Variants in TMED2 observed in about 807,000 individuals in gnomAD.
TMED2 encodes transmembrane emp24 domain-containing protein 2.
Under a neutral mutation model 17.5 loss-of-function variants are expected in TMED2, and 3 were observed. The ratio of observed to expected loss-of-function variants is 0.17; its 90% confidence interval spans 0.08 to 0.44. The LOEUF (loss-of-function observed/expected upper bound fraction) is 0.44. Among genes scored for constraint, TMED2 ranks in the 20% least tolerant of loss-of-function variants. The probability of loss-of-function intolerance (pLI) is 0.99; values close to 1 mark genes in which losing one functional copy is unlikely to be tolerated. For synonymous variants in TMED2, 95 were observed against 91.0 expected (o/e 1.04, Z -0.25); for missense variants, 149 against 254.8 (o/e 0.58, Z 2.83).
Position 123,590,336 on chromosome 12 carries a change from C to G in TMED2, c.374-6C>G, listed in dbSNP as rs778257231. ...AAATGTGTTTTGTTTTCAAATCCTTCTATAGCTCACCAGAACAAGCTAGAA... is the reference window on the plus strand; with the variant it reads ...AAATGTGTTTTGTTTTCAAATCCTTGTATAGCTCACCAGAACAAGCTAGAA... On this transcript the variant is annotated splice_polypyrimidine_tract_variant and splice_region_variant and intron_variant, in intron 2 of 3. Coordinates refer to ENST00000262225, the MANE Select transcript of TMED2 (RefSeq NM_006815.4). The G allele has an allele frequency of 1.3e-6, 2 of 1,570,802 alleles. No homozygotes were observed. The highest frequency in any genetic ancestry group is 2.3e-5 in the South Asian group (2 of 88,430).
chr12:123,587,526 T>G, intron 2 of TMED2: 1 of 1,057,898 alleles, frequency 9.5e-7, no homozygotes, highest in Non-Finnish European at 1.2e-6. Flanking sequence ...GGCATATACT[T>G]TATTTGCTCA....
At chr12:123,590,174 T>C (rs2135661577) in intron 2 of TMED2, among the ~76,000 whole-genome samples, 168 bp from the exon 3 acceptor site, 1 of 151,820 alleles carries the variant, frequency 6.6e-6, no homozygotes. Context: ...TCCCAGCTAC[T>C]CTGGAGGCTG....
At chr12:123,586,978 G>A (rs1953352595) in intron 2 of TMED2, 39 bp downstream of exon 2, 1 of 1,518,078 alleles carries the variant, frequency 6.6e-7, no homozygotes, top group Non-Finnish European at 8.9e-7. Context: ...CACATTCCAA[G>A]AGCTAATTTT....
chr12:123,592,571 G>C (rs532805110), intron 3 of TMED2, among the ~76,000 whole-genome samples: 3 of 152,316 alleles, frequency 2.0e-5, no homozygotes, highest in South Asian at 2.1e-4. Context: ...TTCTAGAATT[G>C]AGTTTATAGG....
intron 3 of TMED2, among the ~76,000 whole-genome samples, chr12:123,594,204 G>A (rs1473786418): frequency 2.7e-5 from 4 of 150,090 alleles, no homozygotes; most frequent in African/African-American, 2.4e-5. Context: ...GTGCAAACTC[G>A]GCTCACTGCA....
At chr12:123,591,669 C>T (rs925834569) in intron 3 of TMED2, among the ~76,000 whole-genome samples, 8 of 152,150 alleles carry the variant, frequency 5.3e-5, no homozygotes, top group Admixed American at 1.3e-4. Flanking sequence ...GTAGTCCCAG[C>T]TACTCAGGAG....
chr12:123,585,815 C>T (rs1449487322), intron 1 of TMED2: 1 of 152,276 alleles, frequency 6.6e-6, no homozygotes, highest in African/African-American at 2.4e-5. Flanking sequence ...TGGGTCTTCT[C>T]ATTTCCAGGC....
chr12:123,596,826 C>G lies in TMED2; in HGVS notation c.*97C>G, dbSNP rs1953434302. 1 of 1,386,436 alleles carries G rather than the reference C, an allele frequency of 7.2e-7. No homozygotes were observed. The allele number at this position is 1,386,436 out of a possible 1,614,324, so 85.9% of individuals were successfully genotyped here. A position where few individuals can be genotyped will look rare whatever the true frequency, so the allele number is the denominator to read the frequency against. On this transcript the variant is annotated 3_prime_UTR_variant, in exon 4 of 4. Coordinates refer to ENST00000262225, the MANE Select transcript of TMED2 (RefSeq NM_006815.4). ...AGTTTCTCCATTTTTATTTTCTGAA[C>G]TGTACATTCACAACTTATGTTTCTT... is the stretch of plus-strand genomic sequence containing the variant.
At chr12:123,584,957 C>T (rs1346873969) in intron 1 of TMED2, 141 bp downstream of exon 1, 2 of 1,041,316 alleles carry the variant, frequency 1.9e-6, no homozygotes, top group African/African-American at 3.3e-5. Flanking sequence ...GGCCGCCACC[C>T]CCCGCCCCGC....
chr12:123,596,998 G>A lies in TMED2; in HGVS notation c.*269G>A, dbSNP rs1319788588. ...CTCAAACACTGTAAGTGAAATATGGGAGTATAGTTTTTATTATTTCTTCTT... is the reference window on the plus strand; with the variant it reads ...CTCAAACACTGTAAGTGAAATATGGAAGTATAGTTTTTATTATTTCTTCTT... On this transcript the variant is annotated 3_prime_UTR_variant, in exon 4 of 4. Coordinates refer to ENST00000262225, the MANE Select transcript of TMED2 (RefSeq NM_006815.4). The A allele has an allele frequency of 1.4e-5, 3 of 214,986 alleles. No individual in the cohort carries two copies. The highest frequency in any genetic ancestry group is 2.7e-5 in the Non-Finnish European group (3 of 109,588). 13.3% of individuals were successfully genotyped at this position (214,986 alleles called of 1,614,324 possible). A position where few individuals can be genotyped will look rare whatever the true frequency, so the allele number is the denominator to read the frequency against.
intron 3 of TMED2, among the ~76,000 whole-genome samples, chr12:123,592,441 CAT>C (rs1953398896): frequency 6.3e-4 from 2 of 3,166 alleles, no homozygotes; most frequent in Non-Finnish European, 0.028. Context: ...AGAGGAAGCA[CAT>C]GTCTTCCGTC....
chr12:123,588,376 G>C (rs1376492679), intron 2 of TMED2, among the ~76,000 whole-genome samples: 1 of 152,072 alleles, frequency 6.6e-6, no homozygotes, highest in African/African-American at 2.4e-5. Flanking sequence ...AATTTAGAGA[G>C]TCCTACTACT....
chr12:123,595,526 ATAAT>A lies in TMED2; in HGVS notation c.482-1077_482-1074del, dbSNP rs1369911095. 3.9e-5 allele frequency among the ~76,000 whole-genome samples: 6 copies of A among 152,206 alleles called. No homozygotes were observed. The East Asian group carries it at 1.2e-3, about 29-fold the overall frequency. On this transcript the variant is annotated intron_variant, in intron 3 of 3. Transcript: ENST00000262225. ...AGACTGCCATATTTTGATGTTGTAAATAATTGCATTTTGGATAACTGTGATTTTG... is the reference window on the plus strand; with the variant it reads ...AGACTGCCATATTTTGATGTTGTAAATGCATTTTGGATAACTGTGATTTTG...
chr12:123,594,016 G>C (rs530303863), intron 3 of TMED2, among the ~76,000 whole-genome samples: 1 of 150,800 alleles, frequency 6.6e-6, no homozygotes, highest in Non-Finnish European at 1.5e-5. Flanking sequence ...ATATTGCCCA[G>C]GGTTGGCCTC....
intron 3 of TMED2, among the ~76,000 whole-genome samples, chr12:123,593,260 T>G (rs1389469933): frequency 6.6e-6 from 1 of 151,270 alleles, no homozygotes; most frequent in African/African-American, 2.4e-5. Flanking sequence ...TGGTTTTTGT[T>G]GTTTTTTTTT....
chr12:123,593,962 A>ATTTT (rs764283197), intron 3 of TMED2, among the ~76,000 whole-genome samples: 1 of 136,894 alleles, frequency 7.3e-6, no homozygotes, highest in African/African-American at 2.7e-5. Context: ...CACCTGGCTA[A>ATTTT]TTTTTTTTTT....
At chr12:123,594,016 G>A (rs530303863) in intron 3 of TMED2, among the ~76,000 whole-genome samples, 1 of 150,692 alleles carries the variant, frequency 6.6e-6, no homozygotes, top group Non-Finnish European at 1.5e-5. Context: ...ATATTGCCCA[G>A]GGTTGGCCTC....
intron 2 of TMED2, among the ~76,000 whole-genome samples, chr12:123,588,488 C>G (rs1262102663): frequency 6.6e-6 from 1 of 152,086 alleles, no homozygotes; most frequent in Non-Finnish European, 1.5e-5. Context: ...GGTTTATTTT[C>G]TGGAGTTTGA....
intron 3 of TMED2, among the ~76,000 whole-genome samples, chr12:123,590,978 G>A (rs1418560292): frequency 6.8e-6 from 1 of 146,824 alleles, no homozygotes; most frequent in East Asian, 2.0e-4. Context: ...GCTAGACTCT[G>A]TCTCAGGGAA....
Sources: gnomAD v4.1 joint callset for allele counts (sites outside exome capture counted in the v4.1 genomes callset) on GRCh38, gnomAD v4.1.1 for gene constraint, MANE v1.5 for transcripts, NCBI Gene and HGNC (gene_info 2026-07-23, HGNC 2026-07-21) for gene names.